The following SEC62 variants were observed in gnomAD, a reference collection of about 807,000 sequenced individuals.
SEC62 encodes the protein translocation protein SEC62.
SEC62 carries 10 observed loss-of-function variants against 47.5 expected under a neutral mutation model. That is an observed-to-expected ratio of 0.21 (90% CI 0.13 to 0.36). SEC62 has a LOEUF of 0.36. Among genes scored for constraint, SEC62 ranks in the 10% least tolerant of loss-of-function variants. The pLI is 1.00. For missense variants in SEC62, 327 were observed against 464.1 expected (o/e 0.70, Z 2.71); for synonymous variants, 136 against 150.5 (o/e 0.90, Z 0.71).
At chr3:169,974,696 A>G (rs1307742615) in intron 1 of SEC62, among the ~76,000 whole-genome samples, 1 of 152,162 alleles carries the variant, frequency 6.6e-6, no homozygotes, top group Non-Finnish European at 1.5e-5. Context: ...TGGAGAAGAG[A>G]AGATGAGAAA....
chr3:169,980,319 C>T (rs1459151138), intron 3 of SEC62, among the ~76,000 whole-genome samples: 4 of 151,314 alleles, frequency 2.6e-5, no homozygotes, highest in Admixed American at 6.6e-5. Flanking sequence ...TAGAACACAC[C>T]GAGATAGGAA....
chr3:169,990,696 A>G (rs1481843927), intron 7 of SEC62, among the ~76,000 whole-genome samples: 1 of 152,208 alleles, frequency 6.6e-6, no homozygotes, highest in South Asian at 2.1e-4. Context: ...TCTGTTTATC[A>G]GTGGAATTTA....
chr3:169,968,207 A>G (rs1714604857), intron 1 of SEC62, among the ~76,000 whole-genome samples: 1 of 152,166 alleles, frequency 6.6e-6, no homozygotes, highest in Non-Finnish European at 1.5e-5. Flanking sequence ...GTATATTGAA[A>G]TTGTCTGTCA....
chr3:169,979,372 G>A (rs1294187211), intron 3 of SEC62, among the ~76,000 whole-genome samples: 1 of 152,140 alleles, frequency 6.6e-6, no homozygotes, highest in African/African-American at 2.4e-5. Context: ...TAAGTGGCAT[G>A]AGGGAGTCTG....
rs201464872 is a variant in SEC62 at position 169,983,338 on chromosome 3, A to C, written c.549+85A>C. 10 of 725,216 alleles carry C rather than the reference A, an allele frequency of 1.4e-5. No homozygotes were observed. In the East Asian group the frequency reaches 2.8e-4, roughly 20 times the overall value. 44.9% of individuals were successfully genotyped at this position (725,216 alleles called of 1,614,324 possible). A position where few individuals can be genotyped will look rare whatever the true frequency, so the allele number is the denominator to read the frequency against. On this transcript the variant is annotated intron_variant, in intron 5 of 7. Transcript: ENST00000337002. ...TGATGCCTTCACTAATAAAAGGAAAAATTTTGAGAAATCTAATTATGCTCT... is the reference window on the plus strand; with the variant it reads ...TGATGCCTTCACTAATAAAAGGAAACATTTTGAGAAATCTAATTATGCTCT...
chr3:169,986,764 G>A (rs13314354), intron 6 of SEC62, among the ~76,000 whole-genome samples: 42,965 of 151,910 alleles, frequency 0.28, 7,266 homozygotes, highest in African/African-American at 0.47. Context: ...TCTCATTCCT[G>A]TCACCCAGGC....
At chr3:169,979,454 C>T (rs556863848) in intron 3 of SEC62, among the ~76,000 whole-genome samples, 25 of 152,256 alleles carry the variant, frequency 1.6e-4, no homozygotes, top group African/African-American at 6.0e-4. Flanking sequence ...CTTTTTATGG[C>T]CTATATCATG....
At position 169,993,093 on chromosome 3, in the gene SEC62, G is replaced by A; in HGVS notation, c.*30G>A. 2.0e-6 allele frequency: 3 copies of A among 1,484,358 alleles called. No homozygotes were observed. Among genetic ancestry groups the A allele is most frequent in the Non-Finnish European group, 2.7e-6 (3 of 1,108,068 alleles). The allele number at this position is 1,484,358 out of a possible 1,614,324, so 91.9% of individuals were successfully genotyped here. A position where few individuals can be genotyped will look rare whatever the true frequency, so the allele number is the denominator to read the frequency against. ...ACTAATTTTGGGACTGAATGAATAA[G>A]TACAAGAGGTTGGATTTTCTATGTT... On this transcript the variant is annotated 3_prime_UTR_variant, in exon 8 of 8. Coordinates refer to ENST00000337002, the MANE Select transcript of SEC62 (RefSeq NM_003262.4).
chr3:169,983,290 A>G (rs555413536), intron 5 of SEC62, 37 bp downstream of exon 5: 13 of 1,436,552 alleles, frequency 9.0e-6, no homozygotes, highest in South Asian at 4.0e-5. Context: ...TCAGTTTTCT[A>G]TAGGAGTTTT....
In SEC62 at chr3:169,982,689, T is replaced by A. The variant is rs1715005818; in HGVS notation, c.252-18T>A. 6.2e-7 allele frequency: 1 copy of A among 1,603,764 alleles called. No individual in the cohort carries two copies. The highest frequency in any genetic ancestry group is 8.5e-7 in the Non-Finnish European group (1 of 1,173,344). On this transcript the variant is annotated intron_variant, in intron 3 of 7. Transcript: ENST00000337002. ...TATCTATATGGGGAGTGTAATGCCATACCTGTTTTTCCCAAAGGCTTTTAA... is the reference window on the plus strand; with the variant it reads ...TATCTATATGGGGAGTGTAATGCCAAACCTGTTTTTCCCAAAGGCTTTTAA...
At chr3:169,978,509 T>C (rs1193326570) in intron 3 of SEC62, 1 of 151,960 alleles carries the variant, frequency 6.6e-6, no homozygotes, top group Admixed American at 6.6e-5. Context: ...GGAGATCACA[T>C]GAGGCCAGGA....
rs188106782 is a variant in SEC62, at chr3:169,982,316, T to C, written c.252-391T>C. ...ATCACTTTTAATCTGTTAACATTTC[T>C]TAAACTGTTTATTTTCTCCTTTCTT... On this transcript the variant is annotated intron_variant, in intron 3 of 7. Coordinates refer to ENST00000337002, the MANE Select transcript of SEC62 (RefSeq NM_003262.4). Among the ~76,000 whole-genome samples, 587 of 152,298 alleles carry C rather than the reference T, an allele frequency of 3.9e-3. 5 individuals are homozygous for C. Among genetic ancestry groups the C allele is most frequent in the African/African-American group, 0.013 (536 of 41,574 alleles).
At position 169,998,307 on chromosome 3, in the gene SEC62, T is replaced by A. The variant is rs915652017; in HGVS notation, c.*5244T>A. On this transcript the variant is annotated 3_prime_UTR_variant, in exon 8 of 8. Transcript: ENST00000337002. ...CACAAATTTAGTAAGTTACATGTGT[T>A]ATGTGATGTTTTGTTTTGATAGATT... 6.6e-6 allele frequency: 1 copy of A among 152,250 alleles called. No individual in the cohort carries two copies. The highest frequency in any genetic ancestry group is 6.5e-5 in the Admixed American group (1 of 15,290). The allele number at this position is 152,250 out of a possible 1,614,324, so 9.4% of individuals were successfully genotyped here. A position where few individuals can be genotyped will look rare whatever the true frequency, so the allele number is the denominator to read the frequency against.
chr3:169,974,244 C>T (rs1247688184), intron 1 of SEC62, among the ~76,000 whole-genome samples: 1 of 152,162 alleles, frequency 6.6e-6, no homozygotes, highest in African/African-American at 2.4e-5. Flanking sequence ...TTCCTGAAAT[C>T]ATTCACATTT....
intron 1 of SEC62, among the ~76,000 whole-genome samples, chr3:169,969,119 A>T (rs988452406): frequency 2.1e-4 from 32 of 152,182 alleles, no homozygotes; most frequent in African/African-American, 7.7e-4. Flanking sequence ...TGTAATACCA[A>T]CTGAGTTTCT....
rs1008862861 is a variant in SEC62 at position 169,993,375 on chromosome 3, T to G, written c.*312T>G. On this transcript the variant is annotated 3_prime_UTR_variant, in exon 8 of 8. Transcript: ENST00000337002. The stretch of plus-strand genomic sequence containing the variant: ...ACATTAATGGCAATTTTTGATAGTT[T>G]TATGGCTTTTTACTGTTAGACTAAT... The G allele has an allele frequency of 4.2e-6, 1 of 237,828 alleles. No individual in the cohort carries two copies. The highest frequency in any genetic ancestry group is 8.1e-6 in the Non-Finnish European group (1 of 122,816). The allele number at this position is 237,828 out of a possible 1,614,324, so 14.7% of individuals were successfully genotyped here.
rs772513982 is a variant in SEC62 at position 169,985,807 on chromosome 3, G to C, written c.552G>C (p.Val184=). 6.2e-7 allele frequency: 1 copy of C among 1,610,794 alleles called. No individual in the cohort carries two copies. Among genetic ancestry groups the C allele is most frequent in the African/African-American group, 1.3e-5 (1 of 74,834 alleles). ...CCGAGGTTTCTTGATTCTTCTAGGT[G>C]TATGTATGGATCTATGACCCAGTTC... The part of the protein sequence containing the change: ...DDQVFLDGNE[V]YVWIYDPVHF... Residue 184 remains valine, a splice_region_variant and synonymous_variant, in exon 6 of 8, where the codon GTG becomes GTC. Transcript: ENST00000337002.
In SEC62 at chr3:169,989,424, C is replaced by T. The variant is rs2421902; in HGVS notation, c.730+1065C>T. 5.2e-3 allele frequency among the ~76,000 whole-genome samples: 772 copies of T among 148,116 alleles called. 37 individuals are homozygous for T. In the East Asian group the frequency reaches 0.13, roughly 25 times the overall value. ...TAACCTCTGGCAGCAGAAAAATCCC[C>T]TGCTGGTTTTGCATGGAACACGGGC... is the stretch of plus-strand genomic sequence containing the variant. On this transcript the variant is annotated intron_variant, in intron 7 of 7. Coordinates refer to ENST00000337002, the MANE Select transcript of SEC62 (RefSeq NM_003262.4).
intron 7 of SEC62, 96 bp downstream of exon 7, chr3:169,988,455 G>A (rs1449810165): frequency 7.4e-7 from 1 of 1,343,048 alleles, no homozygotes; most frequent in African/African-American, 1.4e-5. Context: ...AAAAATTAAT[G>A]GAGGTAAATC....
Sources: gnomAD v4.1 joint callset for allele counts (sites outside exome capture counted in the v4.1 genomes callset) on GRCh38, gnomAD v4.1.1 for gene constraint, MANE v1.5 for transcripts, NCBI Gene and HGNC (gene_info 2026-07-23, HGNC 2026-07-21) for gene names.